Variants in CFAP91 observed in about 807,000 individuals in gnomAD.
The protein encoded by CFAP91 is cilia- and flagella-associated protein 91.
CFAP91 carries 85 observed loss-of-function variants against 95.9 expected under a neutral mutation model. The observed-to-expected ratio is 0.89, with a 90% confidence interval of 0.74 to 1.06. The LOEUF (loss-of-function observed/expected upper bound fraction) is 1.06, where lower values mean the gene tolerates loss of function less well. Ranked by LOEUF, CFAP91 falls within the 50% of genes least tolerant of loss-of-function variation. The pLI is 0.00. For missense variants in CFAP91, 962 were observed against 943.4 expected, an observed-to-expected ratio of 1.02 and a Z score of -0.26; for synonymous variants, 335 against 327.5, an observed-to-expected ratio of 1.02 and a Z score of -0.25.
At chr3:119,708,512 T>C in intron 3 of CFAP91, 79 bp from the exon 4 acceptor site, 1 of 959,892 alleles carries the variant, frequency 1.0e-6, no homozygotes, top group Non-Finnish European at 1.6e-6. Context: ...GGTCCTACTC[T>C]ATACACATAG....
chr3:119,740,475 C>A (rs2054094027), intron 12 of CFAP91, 74 bp from the exon 13 acceptor site: 2 of 1,541,162 alleles, frequency 1.3e-6, no homozygotes, highest in Non-Finnish European at 1.8e-6. Context: ...TCACAAGTCA[C>A]TGCGTGTGAC....
chr3:119,704,397 A>T (rs556843480), intron 1 of CFAP91, among the ~76,000 whole-genome samples: 1 of 152,348 alleles, frequency 6.6e-6, no homozygotes, highest in East Asian at 1.9e-4. Flanking sequence ...GAAGCGAAGT[A>T]TAGCCAGGGC....
intron 6 of CFAP91, chr3:119,716,037 A>G (rs2053568307): frequency 3.7e-6 from 2 of 543,476 alleles, no homozygotes; most frequent in African/African-American, 1.9e-5. Context: ...CTCCTAGTGA[A>G]CCACTTCCTT....
At chr3:119,756,428 G>A (rs2054429608) in intron 17 of CFAP91, among the ~76,000 whole-genome samples, 1 of 152,098 alleles carries the variant, frequency 6.6e-6, no homozygotes, top group Non-Finnish European at 1.5e-5. Flanking sequence ...TAGGAGATCT[G>A]CAACACAAGA....
chr3:119,739,503 T>A, intron 12 of CFAP91, 177 bp downstream of exon 12: 1 of 573,486 alleles, frequency 1.7e-6, no homozygotes, highest in East Asian at 3.0e-5. Flanking sequence ...AATGGCATCA[T>A]TTGTCCAGGT....
At chr3:119,737,098 A>ATC (rs1313414594) in intron 10 of CFAP91, among the ~76,000 whole-genome samples, 1 of 152,186 alleles carries the variant, frequency 6.6e-6, no homozygotes, top group Non-Finnish European at 1.5e-5. Context: ...GTCTTGAGAG[A>ATC]TACACACATT....
intron 5 of CFAP91, among the ~76,000 whole-genome samples, chr3:119,714,051 A>G (rs1390789063): frequency 6.6e-6 from 1 of 152,184 alleles, no homozygotes; most frequent in Admixed American, 6.5e-5. Flanking sequence ...ATTTCCTAGA[A>G]TAAATTCCTA....
chr3:119,718,769 T>C (rs1158258038), intron 6 of CFAP91, among the ~76,000 whole-genome samples: 1 of 152,168 alleles, frequency 6.6e-6, no homozygotes, highest in Non-Finnish European at 1.5e-5. Context: ...CAAACTATTA[T>C]TGAGGAGTGA....
At chr3:119,734,161 TAA>T (rs2053956135) in intron 10 of CFAP91, among the ~76,000 whole-genome samples, 1 of 152,184 alleles carries the variant, frequency 6.6e-6, no homozygotes, top group African/African-American at 2.4e-5. Flanking sequence ...GCCTTTTTTA[TAA>T]GTTTCCCGGT....
intron 11 of CFAP91, among the ~76,000 whole-genome samples, chr3:119,738,332 CTTTTTTTTTTTTTTTTTTTTTTTT>C (rs556125660): frequency 4.3e-5 from 1 of 23,040 alleles, no homozygotes; most frequent in Non-Finnish European, 1.1e-4. Flanking sequence ...GACATATTGT[CTTTTTTTTTTTTTTTTTTTTTTTT>C]TTTTTTTTTT....
In CFAP91 at chr3:119,740,596, C is replaced by T; in HGVS notation, c.1581C>T (p.Arg527=). ...GACTGGAGTTGATCCAGGAGTTGCG[C>T]ACCTGCCACGCACTACAAGAAGATG... The part of the protein sequence containing the change: ...EKRLELIQEL[R]TCHALQEDEK... The change falls in exon 13 of 18, where the codon CGC becomes CGT. Residue 527 remains arginine (R), a synonymous_variant. Coordinates refer to ENST00000273390, the MANE Select transcript of CFAP91 (RefSeq NM_033364.4). 7 of 1,614,156 alleles carry T rather than the reference C, an allele frequency of 4.3e-6. No homozygotes were observed. The highest frequency in any genetic ancestry group is 1.1e-5 in the South Asian group (1 of 91,080).
At chr3:119,748,233 T>G (rs1265013085) in intron 16 of CFAP91, among the ~76,000 whole-genome samples, 13 of 152,174 alleles carry the variant, frequency 8.5e-5, no homozygotes, top group Admixed American at 6.5e-4. Context: ...TATAAAAGAT[T>G]TTCACATTGT....
At chr3:119,728,305 G>C (rs1026529735) in intron 7 of CFAP91, among the ~76,000 whole-genome samples, 1 of 152,140 alleles carries the variant, frequency 6.6e-6, no homozygotes, top group Non-Finnish European at 1.5e-5. Flanking sequence ...TTGGAACTTG[G>C]TAGCAATGAG....
chr3:119,736,484 G>C (rs902269227), intron 10 of CFAP91, among the ~76,000 whole-genome samples: 1 of 151,684 alleles, frequency 6.6e-6, no homozygotes, highest in Non-Finnish European at 1.5e-5. Context: ...CACCGTGTTA[G>C]CCAGGATGGT....
chr3:119,719,976 G>T (rs1363906476), intron 6 of CFAP91, among the ~76,000 whole-genome samples: 3 of 151,930 alleles, frequency 2.0e-5, no homozygotes, highest in African/African-American at 7.3e-5. Flanking sequence ...GGTGGTGGGT[G>T]CCTGTAATCC....
intron 4 of CFAP91, 114 bp from the exon 5 acceptor site, chr3:119,709,725 T>A: frequency 1.3e-6 from 1 of 780,152 alleles, no homozygotes; most frequent in Non-Finnish European, 2.2e-6. Flanking sequence ...AACACTGATA[T>A]ATGGGATATT....
chr3:119,762,977 A>G (rs1289264143), intron 17 of CFAP91, among the ~76,000 whole-genome samples: 3 of 152,118 alleles, frequency 2.0e-5, no homozygotes, highest in East Asian at 1.9e-4. Flanking sequence ...AAGAGATTAC[A>G]TCTAACTAAA....
intron 5 of CFAP91, among the ~76,000 whole-genome samples, chr3:119,713,637 T>C (rs573260045): frequency 6.6e-6 from 1 of 152,102 alleles, no homozygotes; most frequent in Admixed American, 6.6e-5. Flanking sequence ...GCAATGCATG[T>C]ACATGTTAAA....
At position 119,707,303 on chromosome 3, in the gene CFAP91, A is replaced by C. The variant is rs2053384348; in HGVS notation, c.202-101A>C. 4.4e-6 allele frequency: 4 copies of C among 909,094 alleles called. No homozygotes were observed. The South Asian group carries it at 8.5e-5, about 19-fold the overall frequency. 56.3% of individuals were successfully genotyped at this position (909,094 alleles called of 1,614,324 possible). ...TAACCCCTCTTCTTATGCTGTATACATTGTTTTGTATGTTTTTAAAAAGAG... is the reference window on the plus strand; with the variant it reads ...TAACCCCTCTTCTTATGCTGTATACCTTGTTTTGTATGTTTTTAAAAAGAG... On this transcript the variant is annotated intron_variant, in intron 2 of 17. Coordinates refer to ENST00000273390, the MANE Select transcript of CFAP91 (RefSeq NM_033364.4).
Sources: gnomAD v4.1 joint callset for allele counts (sites outside exome capture counted in the v4.1 genomes callset) on GRCh38, gnomAD v4.1.1 for gene constraint, MANE v1.5 for transcripts, NCBI Gene and HGNC (gene_info 2026-07-23, HGNC 2026-07-21) for gene names.